The following EPN2 variants were observed in gnomAD, a reference collection of about 807,000 sequenced individuals.
EPN2 encodes the protein epsin 2.
EPN2 carries 34 observed loss-of-function variants against 61.7 expected under a neutral mutation model. The ratio of observed to expected loss-of-function variants is 0.55; its 90% CI spans 0.42 to 0.73. The LOEUF is 0.73. Among genes scored for constraint, EPN2 ranks in the 30% least tolerant of loss-of-function variants. EPN2 has a pLI of 0.00. For synonymous variants in EPN2, 349 were observed against 353.6 expected (o/e 0.99, Z 0.15); for missense variants, 714 against 839.2 (o/e 0.85, Z 1.84).
At chr17:19,260,487 A>C (rs181112649) in intron 1 of EPN2, among the ~76,000 whole-genome samples, 62 of 152,140 alleles carry the variant, frequency 4.1e-4, no homozygotes, top group African/African-American at 1.4e-3. Context: ...GGGCTCTTAC[A>C]CGGGTTGGTG....
chr17:19,275,975 T>G (rs2045301525), intron 1 of EPN2, among the ~76,000 whole-genome samples: 1 of 152,202 alleles, frequency 6.6e-6, no homozygotes, highest in South Asian at 2.1e-4. Context: ...TTCTTTGCTG[T>G]TGGTTGGAAT....
At chr17:19,293,944 G>A (rs541128584) in intron 4 of EPN2, among the ~76,000 whole-genome samples, 35 of 152,048 alleles carry the variant, frequency 2.3e-4, no homozygotes, top group Admixed American at 2.2e-3. Flanking sequence ...CAAAAAATTA[G>A]TCGGGTGTGG....
chr17:19,293,125 TC>T (rs1350224705), intron 4 of EPN2, among the ~76,000 whole-genome samples: 4 of 152,126 alleles, frequency 2.6e-5, no homozygotes, highest in African/African-American at 9.7e-5. Flanking sequence ...ACGCCTGTAA[TC>T]CCAGCATGTT....
intron 4 of EPN2, among the ~76,000 whole-genome samples, chr17:19,286,758 C>T (rs1198489424): frequency 6.6e-6 from 1 of 152,220 alleles, no homozygotes; most frequent in Admixed American, 6.5e-5. Flanking sequence ...TATTTTCCTT[C>T]ATGTCCCTGT....
At position 19,328,808 on chromosome 17, in the gene EPN2, G is replaced by A; in HGVS notation, c.1245G>A (p.Gln415=). Residue 415 remains glutamine (Q), a synonymous_variant, in exon 8 of 11, where the codon CAG becomes CAA. Transcript: ENST00000314728. ...ACTCGGACCCCTGGGCAGCTTCACA[G>A]CAGCCTGCCTCCAGTGCTGGGAAAA... ...PKNSDPWAAS[Q]QPASSAGKRA... is the part of the protein sequence containing the mutation. The A allele has an allele frequency of 6.2e-7, 1 of 1,613,700 alleles. No individual in the cohort carries two copies. Among genetic ancestry groups the A allele is most frequent in the Non-Finnish European group, 8.5e-7 (1 of 1,179,744 alleles).
At chr17:19,316,561 T>C (rs1202915508) in intron 7 of EPN2, among the ~76,000 whole-genome samples, 1 of 152,242 alleles carries the variant, frequency 6.6e-6, no homozygotes, top group African/African-American at 2.4e-5. Context: ...CAAATTCCAA[T>C]ATGGAGAGAT....
intron 1 of EPN2, among the ~76,000 whole-genome samples, chr17:19,267,783 C>T (rs1242193335): frequency 7.9e-5 from 12 of 152,132 alleles, no homozygotes; most frequent in Admixed American, 7.9e-4. Context: ...CCTCGTGATC[C>T]ACCCACCTCA....
intron 4 of EPN2, among the ~76,000 whole-genome samples, chr17:19,302,292 G>T (rs537279345): frequency 1.3e-4 from 20 of 152,278 alleles, no homozygotes; most frequent in African/African-American, 4.8e-4. Flanking sequence ...ACGGTTTCCC[G>T]TCCCCATTCT....
At chr17:19,312,030 A>G (rs995449615) in intron 5 of EPN2, 22 bp from the exon 6 acceptor site, 2 of 1,510,722 alleles carry the variant, frequency 1.3e-6, no homozygotes, top group Non-Finnish European at 1.8e-6. Flanking sequence ...TACAATTACC[A>G]GTTTGCATTG....
intron 1 of EPN2, among the ~76,000 whole-genome samples, chr17:19,239,004 A>AT (rs1233544986): frequency 6.6e-6 from 1 of 152,340 alleles, no homozygotes; most frequent in African/African-American, 2.4e-5. Flanking sequence ...CACAGCAGTG[A>AT]TTGAGTTAGC....
At chr17:19,279,035 C>A (rs947381703) in intron 1 of EPN2, among the ~76,000 whole-genome samples, 1 of 152,024 alleles carries the variant, frequency 6.6e-6, no homozygotes, top group Non-Finnish European at 1.5e-5. Context: ...GGCCTTATTT[C>A]GTTTTTTTTT....
chr17:19,247,133 A>G (rs1383056877), intron 1 of EPN2, among the ~76,000 whole-genome samples: 1 of 152,168 alleles, frequency 6.6e-6, no homozygotes, highest in African/African-American at 2.4e-5. Context: ...ATGGATGACA[A>G]AATTTGGGAA....
At chr17:19,302,709 G>C (rs1905591261) in intron 4 of EPN2, among the ~76,000 whole-genome samples, 1 of 152,216 alleles carries the variant, frequency 6.6e-6, no homozygotes, top group Non-Finnish European at 1.5e-5. Flanking sequence ...TAATGTGCTT[G>C]AATCATCCTG....
chr17:19,263,269 A>T (rs2045162867), intron 1 of EPN2, among the ~76,000 whole-genome samples: 1 of 152,218 alleles, frequency 6.6e-6, no homozygotes, highest in Admixed American at 6.5e-5. Flanking sequence ...AAGTGGGTGA[A>T]CTGGAAATAC....
chr17:19,251,758 A>C (rs753184267), intron 1 of EPN2, among the ~76,000 whole-genome samples: 14 of 152,090 alleles, frequency 9.2e-5, no homozygotes, highest in Non-Finnish European at 1.8e-4. Context: ...TGAGCAGGCA[A>C]CTTGGAAGCT....
chr17:19,323,863 G>A (rs1297752178), intron 7 of EPN2, among the ~76,000 whole-genome samples: 1 of 152,234 alleles, frequency 6.6e-6, no homozygotes, highest in Non-Finnish European at 1.5e-5. Context: ...AACACTAAGA[G>A]AATTTGTTGC....
rs368917532 is a variant in EPN2, at chr17:19,334,347, T to C, written c.*93T>C. 1.9e-6 allele frequency: 2 copies of C among 1,058,380 alleles called. No homozygotes were observed. Among genetic ancestry groups the C allele is most frequent in the Non-Finnish European group, 2.5e-6 (2 of 787,358 alleles). 65.6% of individuals were successfully genotyped at this position (1,058,380 alleles called of 1,614,324 possible). On this transcript the variant is annotated 3_prime_UTR_variant, in exon 11 of 11. Transcript: ENST00000314728. The surrounding 1 kb of genome is among the most constrained non-coding windows in gnomAD (Gnocchi z 4.9). The stretch of plus-strand genomic sequence containing the variant: ...GGACGGGATCCAAGAGTTTGGGGAT[T>C]AGGGGTATTAGGGCTTTTCAGCTCC...
chr17:19,301,580 T>C (rs72836780), intron 4 of EPN2, among the ~76,000 whole-genome samples: 631 of 152,320 alleles, frequency 4.1e-3, no homozygotes, highest in Non-Finnish European at 5.5e-3. Context: ...ACTGCCCCAC[T>C]TAAGACTCTC....
At chr17:19,297,284 A>G (rs1281935856) in intron 4 of EPN2, 3 of 152,260 alleles carry the variant, frequency 2.0e-5, no homozygotes, top group African/African-American at 7.2e-5. Context: ...AGAGGAACTG[A>G]AGGCCAGGGC....
Sources: allele counts gnomAD v4.1 joint callset (sites outside exome capture counted in the v4.1 genomes callset), GRCh38; gene constraint gnomAD v4.1.1; non-coding constraint Gnocchi (gnomAD v3.1); transcripts MANE v1.5; gene names NCBI Gene and HGNC (gene_info 2026-07-23, HGNC 2026-07-21).